The following LRBA variants were observed in gnomAD, a reference collection of about 807,000 sequenced individuals.
The protein encoded by LRBA is LPS responsive beige-like anchor protein.
LRBA carries 176 observed loss-of-function variants against 330.0 expected under a neutral mutation model. The ratio of observed to expected loss-of-function variants is 0.53; its 90% CI spans 0.47 to 0.60. LRBA has a LOEUF of 0.60. Ranked by LOEUF, LRBA falls within the 20% of genes least tolerant of loss-of-function variation. The probability of loss-of-function intolerance (pLI) is 0.00; values close to 1 mark genes in which losing one functional copy is unlikely to be tolerated. For synonymous variants in LRBA, 1,230 were observed against 1,193.0 expected (o/e 1.03, Z -0.64); for missense variants, 3,259 against 3,444.8 (o/e 0.95, Z 1.35).
intron 35 of LRBA, among the ~76,000 whole-genome samples, chr4:150,749,147 T>C (rs1179360803): frequency 6.6e-6 from 1 of 151,998 alleles, no homozygotes; most frequent in African/African-American, 2.4e-5. Context: ...GTAAGAGTTA[T>C]AACTATAAAA....
intron 34 of LRBA, among the ~76,000 whole-genome samples, chr4:150,770,887 G>A (rs79486867): frequency 0.014 from 2,100 of 152,192 alleles, 49 homozygotes; most frequent in East Asian, 0.05. Flanking sequence ...GTAATACTAA[G>A]ATATGCACTG....
chr4:150,763,901 G>A (rs1484500622), intron 34 of LRBA, among the ~76,000 whole-genome samples: 2 of 151,930 alleles, frequency 1.3e-5, no homozygotes, highest in African/African-American at 4.8e-5. Context: ...TGGATAGGCA[G>A]CAAGTGATCA....
intron 37 of LRBA, 111 bp from the exon 38 acceptor site, chr4:150,599,242 T>G: frequency 9.0e-7 from 1 of 1,114,678 alleles, no homozygotes; most frequent in East Asian, 2.5e-5. Context: ...TCCCTCTCCT[T>G]CCACTTAATT....
At chr4:151,003,045 CGTGTGTGTGTGTGTGT>C (rs35823392) in intron 2 of LRBA, among the ~76,000 whole-genome samples, 1 of 147,218 alleles carries the variant, frequency 6.8e-6, no homozygotes, top group African/African-American at 2.5e-5. Flanking sequence ...TATGTGTTTG[CGTGTGTGTGTGTGTGT>C]GTGTGTGTGT....
chr4:150,977,596 T>C (rs1209350387), intron 2 of LRBA, among the ~76,000 whole-genome samples: 1 of 152,174 alleles, frequency 6.6e-6, no homozygotes, highest in Non-Finnish European at 1.5e-5. Flanking sequence ...AAAGGGCTCC[T>C]GAGATCCCCG....
chr4:150,557,331 G>A (rs1029210949), intron 40 of LRBA, among the ~76,000 whole-genome samples: 8 of 152,128 alleles, frequency 5.3e-5, no homozygotes, highest in African/African-American at 1.9e-4. Context: ...ATGCAGAAGT[G>A]TATAAAGTTA....
Position 150,871,620 on chromosome 4 carries a change from C to T in LRBA, c.2259-167G>A, listed in dbSNP as rs1339174470. On this transcript the variant is annotated intron_variant, in intron 18 of 56. Coordinates refer to ENST00000651943, the MANE Select transcript of LRBA (RefSeq NM_001364905.1). ...TCTAGAACTTTTAAGGCCACAAAAC[C>T]TTTAAGCAGAGAAATGCTAACTATA... Among the ~76,000 whole-genome samples, 3 of 151,970 alleles carry T rather than the reference C, an allele frequency of 2.0e-5. No individual in the cohort carries two copies. The East Asian group carries it at 5.8e-4, about 29-fold the overall frequency.
At position 150,325,895 on chromosome 4, in the gene LRBA, C is replaced by T. The variant is rs1240783074; in HGVS notation, c.7366G>A (p.Val2456Ile). 6 of 1,606,454 alleles carry T rather than the reference C, an allele frequency of 3.7e-6. No individual in the cohort carries two copies. The highest frequency in any genetic ancestry group is 1.3e-5 in the African/African-American group (1 of 74,780). The change falls in exon 49 of 57, where the codon GTT (valine) becomes ATT (isoleucine). Residue 2456 changes from valine (V) to isoleucine (I), a missense_variant. Val to Ile is a conservative substitution (Grantham distance 29). Coordinates refer to ENST00000651943, the MANE Select transcript of LRBA (RefSeq NM_001364905.1). ...SITDPVLREAVEAQIRSFGQT... is the reference protein window; with the variant it reads ...SITDPVLREAIEAQIRSFGQT... ...CCAAAACTTCGGATTTGAGCTTCAA[C>T]AGCCTGAAAAGGGCAGGGGCAAGTC...
rs749457492 is a variant in LRBA at position 150,804,980 on chromosome 4, G to A, written c.5518+1291C>T. On this transcript the variant is annotated intron_variant, in intron 33 of 56. Transcript: ENST00000651943. ...AAATAAAATAAAAAATAAATCCTAGGTACGAAGATGAAGATTGGTATTTTG... is the reference window on the plus strand; with the variant it reads ...AAATAAAATAAAAAATAAATCCTAGATACGAAGATGAAGATTGGTATTTTG... Among the ~76,000 whole-genome samples, 32 of 151,890 alleles carry A rather than the reference G, an allele frequency of 2.1e-4. 1 individual carries two copies. The highest frequency in any genetic ancestry group is 3.3e-4 in the Admixed American group (5 of 15,214).
chr4:150,321,335 C>T lies in LRBA; in HGVS notation c.7486G>A (p.Asp2496Asn). Reference sequence around the variant, plus strand: ...GGAAACTTGAGGACCATGATAACATCCTGCTGGGCTTTGTCTGTGAACATC... The same window carrying T: ...GGAAACTTGAGGACCATGATAACATTCTGCTGGGCTTTGTCTGTGAACATC... ...PLMFTDKAQQ[D>N]VIMVLKFPSN... Residue 2496 changes from aspartate (D) to asparagine (N), a missense_variant, in exon 50 of 57, where the codon GAT becomes AAT. Coordinates refer to ENST00000651943, the MANE Select transcript of LRBA (RefSeq NM_001364905.1). This position sits in a 1 kb window ranked among gnomAD's most constrained non-coding sequence, Gnocchi z 4.5. The T allele has an allele frequency of 6.2e-7, 1 of 1,603,956 alleles. No individual in the cohort carries two copies. Among genetic ancestry groups the T allele is most frequent in the Non-Finnish European group, 8.5e-7 (1 of 1,176,746 alleles).
intron 2 of LRBA, among the ~76,000 whole-genome samples, chr4:150,952,976 G>C (rs146774955): frequency 6.6e-6 from 1 of 151,416 alleles, no homozygotes; most frequent in Non-Finnish European, 1.5e-5. Context: ...CAAGCCCTTC[G>C]CCCATCTTGT....
intron 49 of LRBA, among the ~76,000 whole-genome samples, chr4:150,323,316 G>A (rs1016700073): frequency 5.7e-4 from 86 of 152,126 alleles, no homozygotes; most frequent in African/African-American, 1.9e-3. Flanking sequence ...TAATATTTAC[G>A]AAAGTCAATT....
intron 37 of LRBA, among the ~76,000 whole-genome samples, chr4:150,652,118 G>A (rs1416762410): frequency 2.6e-5 from 4 of 152,146 alleles, no homozygotes; most frequent in Admixed American, 6.5e-5. Context: ...TTACAGGTGT[G>A]AGCCACTACG....
At chr4:150,456,883 C>T (rs1754145548) in intron 44 of LRBA, among the ~76,000 whole-genome samples, 1 of 152,120 alleles carries the variant, frequency 6.6e-6, no homozygotes, top group Non-Finnish European at 1.5e-5. Context: ...CATTCTTCTG[C>T]ATATGAATAT....
At chr4:150,662,906 A>G (rs1399332970) in intron 37 of LRBA, among the ~76,000 whole-genome samples, 3 of 152,180 alleles carry the variant, frequency 2.0e-5, no homozygotes, top group Non-Finnish European at 4.4e-5. Flanking sequence ...GCTGTGAGCC[A>G]AGATTGTGGC....
chr4:150,995,040 G>A (rs551612128), intron 2 of LRBA, among the ~76,000 whole-genome samples: 3 of 152,020 alleles, frequency 2.0e-5, no homozygotes, highest in Admixed American at 1.3e-4. Flanking sequence ...GAACTGCAGA[G>A]GAGGGTAAAC....
At chr4:150,639,480 C>T (rs927522508) in intron 37 of LRBA, among the ~76,000 whole-genome samples, 8 of 146,136 alleles carry the variant, frequency 5.5e-5, no homozygotes, top group Non-Finnish European at 1.2e-4. Flanking sequence ...ACCCGTGGTA[C>T]TCAACAGATT....
chr4:150,406,743 C>T (rs1342852087), intron 47 of LRBA, among the ~76,000 whole-genome samples: 1 of 152,146 alleles, frequency 6.6e-6, no homozygotes, highest in East Asian at 1.9e-4. Flanking sequence ...TAAAATGCTA[C>T]ATTACATGGG....
At chr4:150,498,799 T>C (rs774497724) in intron 40 of LRBA, among the ~76,000 whole-genome samples, 2 of 152,188 alleles carry the variant, frequency 1.3e-5, no homozygotes, top group Non-Finnish European at 2.9e-5. Flanking sequence ...TGAAATTACC[T>C]TGTATCTGTA....
Sources: gnomAD v4.1 joint callset for allele counts (sites outside exome capture counted in the v4.1 genomes callset) on GRCh38, gnomAD v4.1.1 for gene constraint, Gnocchi (gnomAD v3.1) non-coding constraint, MANE v1.5 for transcripts, NCBI Gene and HGNC (gene_info 2026-07-23, HGNC 2026-07-21) for gene names.